Variants in SPINK6 observed in about 807,000 individuals in gnomAD.
SPINK6 encodes the protein serine peptidase inhibitor Kazal type 6.
Under a neutral mutation model 11.7 loss-of-function variants are expected in SPINK6, and 13 were observed. The observed-to-expected ratio is 1.11, with a 90% CI of 0.72 to 1.76. SPINK6 has a LOEUF of 1.76. Among genes scored for constraint, SPINK6 ranks in the 40% most tolerant of loss-of-function variants. The probability of loss-of-function intolerance (pLI) is 0.00; values close to 1 mark genes in which losing one functional copy is unlikely to be tolerated. For missense variants in SPINK6, 98 were observed against 93.7 expected, an observed-to-expected ratio of 1.05 and a Z score of -0.19; for synonymous variants, 21 against 31.9, an observed-to-expected ratio of 0.66 and a Z score of 1.15.
At chr5:148,213,202 G>C (rs1362765221) in intron 2 of SPINK6, among the ~76,000 whole-genome samples, 2 of 149,480 alleles carry the variant, frequency 1.3e-5, no homozygotes, top group African/African-American at 2.4e-5. Flanking sequence ...CATGTTTTTT[G>C]TTTGTTTGTT....
intron 2 of SPINK6, among the ~76,000 whole-genome samples, chr5:148,209,991 T>TACACACGTACGTGTGTATGTATAC (rs1398978551): frequency 0.013 from 1,876 of 145,306 alleles, 86 homozygotes; most frequent in Middle Eastern, 0.028. Flanking sequence ...TATGTATACA[T>TACACACGTACGTGTGTATGTATAC]ATACACGTAT....
intron 1 of SPINK6, among the ~76,000 whole-genome samples, chr5:148,204,448 T>A (rs1278923068): frequency 6.7e-6 from 1 of 150,094 alleles, no homozygotes; most frequent in Non-Finnish European, 1.5e-5. Flanking sequence ...TCTGGTTGAC[T>A]AATACAGTTT....
chr5:148,206,494 G>A (rs59746579), intron 2 of SPINK6, among the ~76,000 whole-genome samples: 17,462 of 152,044 alleles, frequency 0.11, 2,886 homozygotes, highest in African/African-American at 0.36. Context: ...ATTAGTTATC[G>A]ATTAAAAATT....
chr5:148,214,242 GTTA>G (rs965737091), intron 3 of SPINK6, among the ~76,000 whole-genome samples: 7 of 152,138 alleles, frequency 4.6e-5, no homozygotes, highest in African/African-American at 1.4e-4. Context: ...GCTTTGCTTT[GTTA>G]TTATTAATTT....
At chr5:148,202,968 C>T, upstream of SPINK6, 2 of 571,892 alleles carry the variant, frequency 3.5e-6, no homozygotes, top group South Asian at 3.6e-5. Context: ...TGTTGGCAGG[C>T]CCCATTAAAT....
At chr5:148,205,445 C>A (rs1051830060) in intron 1 of SPINK6, among the ~76,000 whole-genome samples, 11 of 152,170 alleles carry the variant, frequency 7.2e-5, no homozygotes, top group African/African-American at 2.4e-4. Context: ...TATATGGGAT[C>A]TTTTCCCTTT....
At chr5:148,209,322 C>A (rs927133116) in intron 2 of SPINK6, among the ~76,000 whole-genome samples, 7 of 152,122 alleles carry the variant, frequency 4.6e-5, no homozygotes, top group African/African-American at 1.7e-4. Flanking sequence ...CTCCTGACTC[C>A]ATCTGGAGTG....
chr5:148,208,604 T>C (rs17637955), intron 2 of SPINK6, among the ~76,000 whole-genome samples: 2,499 of 152,336 alleles, frequency 0.016, 31 homozygotes, highest in Non-Finnish European at 0.026. Flanking sequence ...AAAATCATGT[T>C]GCCAGACTTT....
chr5:148,206,200 A>C (rs1755496082), intron 2 of SPINK6, 142 bp downstream of exon 2: 1 of 763,678 alleles, frequency 1.3e-6, no homozygotes, highest in South Asian at 1.9e-5. Context: ...AGAAATTATT[A>C]TTCTTTAACT....
At position 148,215,081 on chromosome 5, in the gene SPINK6, C is replaced by A; in HGVS notation, c.*131C>A. On this transcript the variant is annotated 3_prime_UTR_variant, in exon 4 of 4. Transcript: ENST00000325630. ...TACTCTGCCTGGGTCTTGAGGAGTT[C>A]AATGTATGTCTATTTCTCTTGATTC... 2 of 692,468 alleles carry A rather than the reference C, an allele frequency of 2.9e-6. No homozygotes were observed. Among genetic ancestry groups the A allele is most frequent in the Admixed American group, 2.8e-5 (1 of 36,156 alleles). The allele number at this position is 692,468 out of a possible 1,614,324, so 42.9% of individuals were successfully genotyped here.
At chr5:148,212,658 T>TATATAAAC (rs1347020055) in intron 2 of SPINK6, among the ~76,000 whole-genome samples, 10 of 110,280 alleles carry the variant, frequency 9.1e-5, no homozygotes, top group African/African-American at 3.7e-4. Flanking sequence ...ATATATATAT[T>TATATAAAC]TATATATTTA....
intron 2 of SPINK6, among the ~76,000 whole-genome samples, chr5:148,212,362 T>C (rs751938424): frequency 2.0e-5 from 3 of 149,440 alleles, no homozygotes; most frequent in Non-Finnish European, 3.0e-5. Flanking sequence ...TAAAAAGACA[T>C]AGATGCACCT....
At chr5:148,204,071 T>C (rs760868390) in intron 1 of SPINK6, among the ~76,000 whole-genome samples, 1 of 152,138 alleles carries the variant, frequency 6.6e-6, no homozygotes, top group Non-Finnish European at 1.5e-5. Flanking sequence ...CCATATCTTA[T>C]GTATCATTTT....
intron 3 of SPINK6, 24 bp from the exon 4 acceptor site, chr5:148,214,881 T>A (rs372003241): frequency 6.2e-7 from 1 of 1,603,442 alleles, no homozygotes; most frequent in South Asian, 1.1e-5. Context: ...GCACTGAGTA[T>A]ATATTTGTCT....
chr5:148,209,997 C>CGTACATACGTACGTAT (rs1489201046), intron 2 of SPINK6, among the ~76,000 whole-genome samples: 3,598 of 145,944 alleles, frequency 0.025, 381 homozygotes, highest in East Asian at 0.11. Context: ...TACATATACA[C>CGTACATACGTACGTAT]GTATGTATAC....
intron 1 of SPINK6, among the ~76,000 whole-genome samples, chr5:148,203,404 CATA>C (rs1046989418): frequency 6.6e-6 from 1 of 152,060 alleles, no homozygotes; most frequent in Non-Finnish European, 1.5e-5. Flanking sequence ...CTCTGAGACT[CATA>C]ATAAGGTATT....
intron 1 of SPINK6, among the ~76,000 whole-genome samples, chr5:148,204,369 GAT>G (rs1390203482): frequency 6.6e-6 from 1 of 151,666 alleles, no homozygotes; most frequent in African/African-American, 2.4e-5. Context: ...TAGCTGCAAA[GAT>G]AGTCTCAGAA....
At chr5:148,209,554 A>G (rs1412945559) in intron 2 of SPINK6, among the ~76,000 whole-genome samples, 2 of 152,200 alleles carry the variant, frequency 1.3e-5, no homozygotes, top group African/African-American at 2.4e-5. Flanking sequence ...GGAAGAGACC[A>G]TGTTAAAATG....
At position 148,215,073 on chromosome 5, in the gene SPINK6, G is replaced by C; in HGVS notation, c.*123G>C. ...GACATACCTACTCTGCCTGGGTCTT[G>C]AGGAGTTCAATGTATGTCTATTTCT... On this transcript the variant is annotated 3_prime_UTR_variant, in exon 4 of 4. Coordinates refer to ENST00000325630, the MANE Select transcript of SPINK6 (RefSeq NM_205841.4). 1.2e-6 allele frequency: 1 copy of C among 839,484 alleles called. No homozygotes were observed. The highest frequency in any genetic ancestry group is 1.9e-6 in the Non-Finnish European group (1 of 520,024). The allele number at this position is 839,484 out of a possible 1,614,324, so 52.0% of individuals were successfully genotyped here. A position where few individuals can be genotyped will look rare whatever the true frequency, so the allele number is the denominator to read the frequency against.
Sources: gnomAD v4.1 joint callset for allele counts (sites outside exome capture counted in the v4.1 genomes callset) on GRCh38, gnomAD v4.1.1 for gene constraint, MANE v1.5 for transcripts, NCBI Gene and HGNC (gene_info 2026-07-23, HGNC 2026-07-21) for gene names.